ZNF317: variants seen among roughly 807,000 people sequenced by gnomAD.
ZNF317 encodes zinc finger protein 317.
In ZNF317, 17 loss-of-function variants were observed where a neutral mutation model predicts 23.4. That is an observed-to-expected ratio of 0.73 (90% CI 0.50 to 1.09). The LOEUF (loss-of-function observed/expected upper bound fraction) is 1.09, where lower values mean the gene tolerates loss of function less well. Ranked by LOEUF, ZNF317 falls within the 50% of genes least tolerant of loss-of-function variation. The pLI is 0.00. For missense variants in ZNF317, 679 were observed against 796.7 expected (o/e 0.85, Z 1.78); for synonymous variants, 317 against 314.9 (o/e 1.01, Z -0.07).
At chr19:9,147,964 C>T (rs73006056) in intron 1 of ZNF317, among the ~76,000 whole-genome samples, 19,071 of 152,034 alleles carry the variant, frequency 0.13, 1,202 homozygotes, top group Non-Finnish European at 0.15. Context: ...GCACTGTCCT[C>T]GTGATGGCGG....
Position 9,143,868 on chromosome 19 carries a change from A to G in ZNF317, c.-93+3276A>G, listed in dbSNP as rs140043666. 3.6e-5 allele frequency among the ~76,000 whole-genome samples: 5 copies of G among 140,726 alleles called. No homozygotes were observed. The East Asian group carries it at 1.0e-3, about 29-fold the overall frequency. The allele number at this position is 140,726 out of a possible 152,430, so 92.3% of individuals were successfully genotyped here. On this transcript the variant is annotated intron_variant, in intron 1 of 6. Coordinates refer to ENST00000247956, the MANE Select transcript of ZNF317 (RefSeq NM_020933.5). The stretch of plus-strand genomic sequence containing the variant: ...ATTATGTAATACTTCATTTTTCTCT[A>G]TGAGCCTTTTTGCCTTAATCTATTC...
chr19:9,157,023 T>A, intron 3 of ZNF317: 1 of 638,316 alleles, frequency 1.6e-6, no homozygotes, highest in South Asian at 2.1e-5. Flanking sequence ...CGGAGTGGGC[T>A]AGAACTGGAG....
chr19:9,154,710 GT>G (rs2050767681), intron 1 of ZNF317, among the ~76,000 whole-genome samples: 1 of 152,124 alleles, frequency 6.6e-6, no homozygotes, highest in Non-Finnish European at 1.5e-5. Flanking sequence ...GATATAAATT[GT>G]TTACAGTTTC....
chr19:9,156,589 A>G (rs1418315016), intron 2 of ZNF317, 23 bp from the exon 3 acceptor site: 3 of 1,610,460 alleles, frequency 1.9e-6, no homozygotes, highest in East Asian at 4.5e-5. Context: ...TCTGATTCTC[A>G]TGAACCCTGT....
In ZNF317 at chr19:9,160,023, A is replaced by G; in HGVS notation, c.469-91A>G. 2.6e-6 allele frequency: 4 copies of G among 1,549,714 alleles called. No homozygotes were observed. The highest frequency in any genetic ancestry group is 3.5e-6 in the Non-Finnish European group (4 of 1,139,168). On this transcript the variant is annotated intron_variant, in intron 6 of 6. Coordinates refer to ENST00000247956, the MANE Select transcript of ZNF317 (RefSeq NM_020933.5). The surrounding 1 kb of genome is among the most constrained non-coding windows in gnomAD (Gnocchi z 6.8). ...GCTCTAGTCATAGTAATGTGCTTCT[A>G]TCTGTTCATAGCAGTGTATGTGGGG...
chr19:9,157,197 A>G (rs2145956293), intron 3 of ZNF317, 71 bp from the exon 4 acceptor site: 4 of 1,579,766 alleles, frequency 2.5e-6, no homozygotes, highest in Non-Finnish European at 1.7e-6. Context: ...CCGGTCTTCA[A>G]CCTCAGCCAT....
chr19:9,159,867 G>A (rs1362367602), intron 6 of ZNF317, among the ~76,000 whole-genome samples: 2 of 152,200 alleles, frequency 1.3e-5, no homozygotes, highest in African/African-American at 2.4e-5. Flanking sequence ...TTTAAGCAGT[G>A]AAGAAATGCT....
At position 9,157,413 on chromosome 19, in the gene ZNF317, C is replaced by T. The variant is rs748999869; in HGVS notation, c.289+19C>T. On this transcript the variant is annotated intron_variant, in intron 4 of 6. Coordinates refer to ENST00000247956, the MANE Select transcript of ZNF317 (RefSeq NM_020933.5). The stretch of plus-strand genomic sequence containing the variant: ...TCACTGGGTAAGGCCAGTGCCATTT[C>T]TCCACTTATTCATCCATGAATTAGA... 10 of 1,613,398 alleles carry T rather than the reference C, an allele frequency of 6.2e-6. No individual in the cohort carries two copies. The Admixed American group carries it at 1.7e-4, about 27-fold the overall frequency.
In ZNF317 at chr19:9,160,169, T is replaced by G. The variant is rs763419725; in HGVS notation, c.524T>G (p.Phe175Cys). 3 of 1,614,164 alleles carry G rather than the reference T, an allele frequency of 1.9e-6. No homozygotes were observed. The South Asian group carries it at 3.3e-5, about 18-fold the overall frequency. ...STEYAHLFEVFGMDPHLTQPM... is the reference protein window; with the variant it reads ...STEYAHLFEVCGMDPHLTQPM... ...GAATACGCTCACTTGTTCGAAGTCTTTGGCATGGACCCTCATCTCACTCAG... is the reference window on the plus strand; with the variant it reads ...GAATACGCTCACTTGTTCGAAGTCTGTGGCATGGACCCTCATCTCACTCAG... The change falls in exon 7 of 7, where the codon TTT (phenylalanine) becomes TGT (cysteine). Residue 175 changes from phenylalanine to cysteine, a missense_variant. By Grantham distance (205) the Phe-to-Cys change is radical. Transcript: ENST00000247956. The surrounding 1 kb of genome is among the most constrained non-coding windows in gnomAD (Gnocchi z 6.8).
intron 1 of ZNF317, among the ~76,000 whole-genome samples, chr19:9,148,363 T>C (rs143684554): frequency 2.1e-3 from 318 of 152,300 alleles, no homozygotes; most frequent in African/African-American, 7.4e-3. Flanking sequence ...ACAGACTGAA[T>C]TGATGTGGGT....
In ZNF317 at chr19:9,157,273, G is replaced by A. The variant is rs202207547; in HGVS notation, c.168G>A (p.Ser56=). The part of the protein sequence containing the change: ...PHTPSVGSQE[S]VTFQDVAVDF... Reference sequence around the variant, plus strand: ...AAGTTTGTGTGGCGTTCCAGGAATCGGTGACTTTCCAAGATGTCGCTGTGG... The same window carrying A: ...AAGTTTGTGTGGCGTTCCAGGAATCAGTGACTTTCCAAGATGTCGCTGTGG... The change falls in exon 4 of 7, where the codon TCG becomes TCA. Residue 56 remains serine, a synonymous_variant. Coordinates refer to ENST00000247956, the MANE Select transcript of ZNF317 (RefSeq NM_020933.5). 111 of 1,613,552 alleles carry A rather than the reference G, an allele frequency of 6.9e-5. No homozygotes were observed. The highest frequency in any genetic ancestry group is 4.5e-4 in the East Asian group (20 of 44,872).
intron 5 of ZNF317, 64 bp from the exon 6 acceptor site, chr19:9,158,762 C>A: frequency 9.4e-7 from 1 of 1,059,234 alleles, no homozygotes; most frequent in Non-Finnish European, 1.5e-6. Flanking sequence ...ATCCACCTGT[C>A]ATTGTCACCA....
At chr19:9,156,229 G>T (rs1033841309) in intron 2 of ZNF317, among the ~76,000 whole-genome samples, 188 bp downstream of exon 2, 22 of 152,146 alleles carry the variant, frequency 1.4e-4, no homozygotes, top group African/African-American at 4.8e-4. Flanking sequence ...GTGGGTCTGG[G>T]AGCAGGCCAG....
chr19:9,146,094 T>C (rs2050680629), intron 1 of ZNF317, among the ~76,000 whole-genome samples: 1 of 152,104 alleles, frequency 6.6e-6, no homozygotes, highest in South Asian at 2.1e-4. Flanking sequence ...AATTGCCCTT[T>C]AGAAATCATA....
intron 1 of ZNF317, among the ~76,000 whole-genome samples, chr19:9,146,739 G>A (rs78769020): frequency 1.3e-5 from 2 of 152,036 alleles, no homozygotes; most frequent in East Asian, 1.9e-4. Context: ...CTATATTTAC[G>A]TGAATAACAG....
Position 9,160,103 on chromosome 19 carries a change from T to C in ZNF317, c.469-11T>C. On this transcript the variant is annotated splice_polypyrimidine_tract_variant and intron_variant, in intron 6 of 6. Coordinates refer to ENST00000247956, the MANE Select transcript of ZNF317 (RefSeq NM_020933.5). The surrounding 1 kb of genome is among the most constrained non-coding windows in gnomAD (Gnocchi z 6.8). ...AATTGCCTTTGTCAGCACTTACGTC[T>C]TAACCAACAGGAAAGAGCCGGTCTT... 7 of 1,613,588 alleles carry C rather than the reference T, an allele frequency of 4.3e-6. No individual in the cohort carries two copies. In the South Asian group the frequency reaches 7.7e-5, roughly 18 times the overall value.
chr19:9,157,410 T>C lies in ZNF317; in HGVS notation c.289+16T>C. On this transcript the variant is annotated intron_variant, in intron 4 of 6. Coordinates refer to ENST00000247956, the MANE Select transcript of ZNF317 (RefSeq NM_020933.5). ...ACTTCACTGGGTAAGGCCAGTGCCA[T>C]TTCTCCACTTATTCATCCATGAATT... 1.2e-6 allele frequency: 2 copies of C among 1,613,556 alleles called. No individual in the cohort carries two copies. The highest frequency in any genetic ancestry group is 8.5e-7 in the Non-Finnish European group (1 of 1,179,708).
At position 9,162,027 on chromosome 19, in the gene ZNF317, A is replaced by G. The variant is rs2050863606; in HGVS notation, c.*594A>G. 6.6e-6 allele frequency: 1 copy of G among 152,380 alleles called. No individual in the cohort carries two copies. The allele number at this position is 152,380 out of a possible 1,614,324, so 9.4% of individuals were successfully genotyped here. A position where few individuals can be genotyped will look rare whatever the true frequency, so the allele number is the denominator to read the frequency against. ...GGAAGAAGAATGTTTGATGGAGAAA[A>G]TTTGTGGCCAATGAAGTCTGAAATA... On this transcript the variant is annotated 3_prime_UTR_variant, in exon 7 of 7. Transcript: ENST00000247956.
At chr19:9,146,389 G>A (rs148413045) in intron 1 of ZNF317, among the ~76,000 whole-genome samples, 24 of 149,010 alleles carry the variant, frequency 1.6e-4, no homozygotes, top group Admixed American at 4.7e-4. Context: ...TCTGTCTCTC[G>A]CTATATATAT....
Sources: allele counts gnomAD v4.1 joint callset (sites outside exome capture counted in the v4.1 genomes callset), GRCh38; gene constraint gnomAD v4.1.1; non-coding constraint Gnocchi (gnomAD v3.1); transcripts MANE v1.5; gene names NCBI Gene and HGNC (gene_info 2026-07-23, HGNC 2026-07-21).